SLC6A11: variants seen among roughly 807,000 people sequenced by gnomAD.
SLC6A11 encodes the protein solute carrier family 6 member 11, also known as sodium- and chloride-dependent GABA transporter 3.
SLC6A11 carries 25 observed loss-of-function variants against 74.8 expected under a neutral mutation model. The ratio of observed to expected loss-of-function variants is 0.33; its 90% CI spans 0.24 to 0.47. SLC6A11 has a LOEUF of 0.47. SLC6A11 is among the 20% of genes least tolerant of loss of function. The probability of loss-of-function intolerance (pLI) is 1.00; values close to 1 mark genes in which losing one functional copy is unlikely to be tolerated. For synonymous variants in SLC6A11, 330 were observed against 330.2 expected (o/e 1.00, Z 0.01); for missense variants, 574 against 837.0 (o/e 0.69, Z 3.88).
intron 6 of SLC6A11, among the ~76,000 whole-genome samples, chr3:10,899,106 AC>A (rs1287765530): frequency 6.6e-6 from 1 of 152,178 alleles, no homozygotes; most frequent in East Asian, 1.9e-4. Flanking sequence ...ATTATCTCCC[AC>A]TGGTCCCTCC....
intron 5 of SLC6A11, among the ~76,000 whole-genome samples, chr3:10,851,426 A>G (rs1435020294): frequency 6.6e-6 from 1 of 151,414 alleles, no homozygotes; most frequent in Non-Finnish European, 1.5e-5. Context: ...CCACACACAC[A>G]GACAGACAGA....
At chr3:10,821,371 A>G (rs1007475903) in intron 3 of SLC6A11, among the ~76,000 whole-genome samples, 27 of 152,230 alleles carry the variant, frequency 1.8e-4, no homozygotes, top group African/African-American at 6.5e-4. Flanking sequence ...TGGCCAAGGG[A>G]AAAAGACCAG....
chr3:10,912,689 G>A (rs1255108002), intron 7 of SLC6A11, among the ~76,000 whole-genome samples: 1 of 152,228 alleles, frequency 6.6e-6, no homozygotes, highest in Non-Finnish European at 1.5e-5. Context: ...GCTGGGAGGG[G>A]GTTCAGGTGA....
chr3:10,868,641 C>G (rs1694792814), intron 5 of SLC6A11, among the ~76,000 whole-genome samples: 1 of 152,232 alleles, frequency 6.6e-6, no homozygotes, highest in Non-Finnish European at 1.5e-5. Flanking sequence ...CCACGCCCAC[C>G]CTTCTGGGTC....
intron 6 of SLC6A11, among the ~76,000 whole-genome samples, chr3:10,902,010 A>G (rs964877961): frequency 2.6e-5 from 4 of 152,220 alleles, no homozygotes; most frequent in African/African-American, 7.2e-5. Flanking sequence ...GCCAGGCCAT[A>G]TAAGTTGTAT....
intron 6 of SLC6A11, among the ~76,000 whole-genome samples, chr3:10,875,718 G>A (rs1352136326): frequency 6.6e-6 from 1 of 152,158 alleles, no homozygotes; most frequent in Non-Finnish European, 1.5e-5. Flanking sequence ...CTGAATGGTG[G>A]GCAGTAATTG....
In SLC6A11 at chr3:10,922,970, TATAG is replaced by T. The variant is rs549516153; in HGVS notation, c.1121-3030_1121-3027del. Among the ~76,000 whole-genome samples, 35 of 152,264 alleles carry T rather than the reference TATAG, an allele frequency of 2.3e-4. No homozygotes were observed. In the East Asian group the frequency reaches 6.8e-3, roughly 29 times the overall value. ...GGATTGAACAAATAGGTAAATATTT[TATAG>T]ATAATTAGTCAGATTTTTCACTGAG... is the stretch of plus-strand genomic sequence containing the variant. On this transcript the variant is annotated intron_variant, in intron 8 of 13. Coordinates refer to ENST00000254488, the MANE Select transcript of SLC6A11 (RefSeq NM_014229.3).
intron 5 of SLC6A11, among the ~76,000 whole-genome samples, chr3:10,846,609 G>A (rs1336787483): frequency 2.0e-5 from 3 of 152,192 alleles, no homozygotes; most frequent in African/African-American, 7.2e-5. Flanking sequence ...AAGTCTGAGC[G>A]TTGGAGAATT....
rs1419961167 is a variant in SLC6A11 at position 10,926,438 on chromosome 3, C to T, written c.1233+322C>T. ...ATTTGCTAAATACTTCCCTTCTGCT[C>T]AACCACTCCTGCCAACAGCACTGCC... On this transcript the variant is annotated intron_variant, in intron 9 of 13. Transcript: ENST00000254488. The surrounding 1 kb of genome is among the most constrained non-coding windows in gnomAD (Gnocchi z 5.7). 6.6e-6 allele frequency among the ~76,000 whole-genome samples: 1 copy of T among 152,214 alleles called. No homozygotes were observed. Among genetic ancestry groups the T allele is most frequent in the African/African-American group, 2.4e-5 (1 of 41,462 alleles).
intron 4 of SLC6A11, among the ~76,000 whole-genome samples, chr3:10,831,630 G>A (rs1011273341): frequency 6.6e-6 from 1 of 152,194 alleles, no homozygotes; most frequent in East Asian, 1.9e-4. Context: ...TAGAGAGAGA[G>A]GCTTACTTTT....
At chr3:10,876,094 G>T (rs372828705) in intron 6 of SLC6A11, among the ~76,000 whole-genome samples, 1 of 152,224 alleles carries the variant, frequency 6.6e-6, no homozygotes, top group Non-Finnish European at 1.5e-5. Flanking sequence ...TCAAGTCTGC[G>T]ATCTGTGGCT....
chr3:10,851,667 G>A lies in SLC6A11; in HGVS notation c.756+7321G>A, dbSNP rs573301133. Among the ~76,000 whole-genome samples the A allele has an allele frequency of 1.1e-3, 171 of 152,360 alleles. 1 individual carries two copies. The highest frequency in any genetic ancestry group is 4.0e-3 in the African/African-American group (166 of 41,580). ...CTCACAACAACCCTATGCAGAAGGT[G>A]CGAATATCGTCCCCATTTCACAGAT... is the stretch of plus-strand genomic sequence containing the variant. On this transcript the variant is annotated intron_variant, in intron 5 of 13. Coordinates refer to ENST00000254488, the MANE Select transcript of SLC6A11 (RefSeq NM_014229.3).
chr3:10,852,115 G>A (rs533563219), intron 5 of SLC6A11, among the ~76,000 whole-genome samples: 7 of 152,258 alleles, frequency 4.6e-5, no homozygotes, highest in East Asian at 1.9e-4. Flanking sequence ...AACTGAGAGC[G>A]CTGTCTCTGG....
intron 4 of SLC6A11, among the ~76,000 whole-genome samples, chr3:10,834,163 A>G (rs926918918): frequency 3.9e-5 from 6 of 152,176 alleles, no homozygotes; most frequent in African/African-American, 1.4e-4. Flanking sequence ...AGTGCCTCTC[A>G]TGGTGGGCCA....
intron 4 of SLC6A11, among the ~76,000 whole-genome samples, chr3:10,836,687 C>T (rs1271101909): frequency 6.6e-6 from 1 of 152,206 alleles, no homozygotes; most frequent in Non-Finnish European, 1.5e-5. Flanking sequence ...TCGTATTCTA[C>T]TAAGCATTGA....
chr3:10,929,282 G>A lies in SLC6A11; in HGVS notation c.1314G>A (p.Leu438=). Residue 438 remains leucine (L), a synonymous_variant, in exon 10 of 14, where the codon CTG becomes CTA. Coordinates refer to ENST00000254488, the MANE Select transcript of SLC6A11 (RefSeq NM_014229.3). The part of the protein sequence containing the change: ...KVFRRGYRRE[L]LILALSVISY... ...TCCGGAGGGGTTACCGGCGGGAGCT[G>A]CTCATCCTAGCCTTGTCTGTTATCT... 6.2e-7 allele frequency: 1 copy of A among 1,614,142 alleles called. No homozygotes were observed. The highest frequency in any genetic ancestry group is 1.1e-5 in the South Asian group (1 of 91,074).
intron 5 of SLC6A11, among the ~76,000 whole-genome samples, chr3:10,872,665 A>T (rs1194393078): frequency 6.6e-6 from 1 of 152,186 alleles, no homozygotes; most frequent in Admixed American, 6.5e-5. Context: ...AGTTCTTAGT[A>T]CATGAGAGTG....
At chr3:10,818,122 G>A (rs1165509273) in intron 1 of SLC6A11, among the ~76,000 whole-genome samples, 1 of 146,300 alleles carries the variant, frequency 6.8e-6, no homozygotes, top group African/African-American at 2.5e-5. Context: ...TTTTTTAAAT[G>A]AGTCATTTTT....
intron 10 of SLC6A11, 102 bp downstream of exon 10, chr3:10,929,441 C>G: frequency 7.9e-7 from 1 of 1,262,362 alleles, no homozygotes; most frequent in Non-Finnish European, 1.1e-6. Context: ...GGTCTAGTGC[C>G]CTCTGCCACT....
Sources: allele counts gnomAD v4.1 joint callset (sites outside exome capture counted in the v4.1 genomes callset), GRCh38; gene constraint gnomAD v4.1.1; non-coding constraint Gnocchi (gnomAD v3.1); transcripts MANE v1.5; gene names NCBI Gene and HGNC (gene_info 2026-07-23, HGNC 2026-07-21).